Variants in EVI5 observed in about 807,000 individuals in gnomAD.
EVI5 encodes ecotropic viral integration site 5, also known as ecotropic viral integration site 5 protein homolog.
A neutral mutation model predicts 112.0 loss-of-function variants in EVI5; 73 were observed. That is an observed-to-expected ratio of 0.65 (90% CI 0.54 to 0.79). The LOEUF is 0.79. Among genes scored for constraint, EVI5 ranks in the 30% least tolerant of loss-of-function variants. The pLI is 0.00. For missense variants in EVI5, 900 were observed against 968.8 expected, an observed-to-expected ratio of 0.93 and a Z score of 0.94; for synonymous variants, 305 against 319.9, an observed-to-expected ratio of 0.95 and a Z score of 0.50.
At chr1:92,728,387 C>CTT (rs60133611) in intron 2 of EVI5, among the ~76,000 whole-genome samples, 131,642 of 148,290 alleles carry the variant, frequency 0.89, 58,492 homozygotes, top group South Asian at 0.96. Context: ...TCTTTTTTTT[C>CTT]TTTTTTTTTT....
chr1:92,789,516 A>G (rs4622073), upstream of EVI5, among the ~76,000 whole-genome samples: 83,786 of 151,896 alleles, frequency 0.55, 24,790 homozygotes, highest in East Asian at 0.93. Context: ...GTTAGCCAGG[A>G]CGGTCTCAAT....
chr1:92,684,183 A>G (rs899795315), intron 9 of EVI5, among the ~76,000 whole-genome samples: 2 of 152,224 alleles, frequency 1.3e-5, no homozygotes, highest in Admixed American at 1.3e-4. Context: ...AGGGAAGCCC[A>G]TCAGACTAAC....
chr1:92,589,513 C>A (rs1225777947), intron 18 of EVI5, among the ~76,000 whole-genome samples: 1 of 152,176 alleles, frequency 6.6e-6, no homozygotes, highest in African/African-American at 2.4e-5. Context: ...GAGTCTCGCT[C>A]ATTGCTAGCA....
At chr1:92,677,105 T>G in intron 10 of EVI5, 53 bp downstream of exon 10, 1 of 1,051,952 alleles carries the variant, frequency 9.5e-7, no homozygotes, top group Non-Finnish European at 1.5e-6. Context: ...ACATCTACTG[T>G]CCAATAATTG....
At chr1:92,654,810 C>T (rs553430452) in intron 13 of EVI5, among the ~76,000 whole-genome samples, 1 of 151,982 alleles carries the variant, frequency 6.6e-6, no homozygotes, top group South Asian at 2.1e-4. Context: ...ATGAAAAATT[C>T]ATTGAAGAAA....
At chr1:92,702,560 C>T (rs1221143700) in intron 4 of EVI5, among the ~76,000 whole-genome samples, 1 of 152,004 alleles carries the variant, frequency 6.6e-6, no homozygotes, top group Non-Finnish European at 1.5e-5. Flanking sequence ...AATCCCAGCA[C>T]TTTGGGAGGC....
chr1:92,608,041 C>T (rs1650849187), intron 16 of EVI5, among the ~76,000 whole-genome samples: 1 of 151,196 alleles, frequency 6.6e-6, no homozygotes, highest in Admixed American at 6.6e-5. Context: ...GTCCCAGGTA[C>T]TCGGGAGGCT....
intron 8 of EVI5, 35 bp downstream of exon 8, chr1:92,694,264 C>CAAAA: frequency 1.9e-6 from 2 of 1,053,772 alleles, no homozygotes; most frequent in Admixed American, 4.9e-5. Context: ...AACTCTGTCT[C>CAAAA]AAAAAAAAAA....
intron 19 of EVI5, among the ~76,000 whole-genome samples, chr1:92,535,151 G>C (rs1033668737): frequency 3.9e-5 from 6 of 151,906 alleles, no homozygotes; most frequent in African/African-American, 1.5e-4. Flanking sequence ...ATGCACCCAA[G>C]ACATATGAAA....
At chr1:92,573,869 C>T (rs890548126) in intron 18 of EVI5, among the ~76,000 whole-genome samples, 1 of 152,012 alleles carries the variant, frequency 6.6e-6, no homozygotes, top group Non-Finnish European at 1.5e-5. Context: ...ACTTCCATCA[C>T]TGAAAACTAA....
chr1:92,528,755 T>C (rs943816477), intron 19 of EVI5, among the ~76,000 whole-genome samples: 2 of 152,188 alleles, frequency 1.3e-5, no homozygotes, highest in Non-Finnish European at 2.9e-5. Context: ...TCGTTTGTCA[T>C]GTTAGAAGTC....
intron 9 of EVI5, among the ~76,000 whole-genome samples, chr1:92,687,858 T>A (rs565609823): frequency 6.6e-6 from 1 of 152,110 alleles, no homozygotes; most frequent in Non-Finnish European, 1.5e-5. Flanking sequence ...GCCAGTTAGA[T>A]GGTGATCATT....
chr1:92,515,527 A>G (rs1659722260), intron 19 of EVI5, among the ~76,000 whole-genome samples: 1 of 152,188 alleles, frequency 6.6e-6, no homozygotes, highest in Non-Finnish European at 1.5e-5. Flanking sequence ...CTCCTACAAT[A>G]AAGTGGAAGA....
chr1:92,675,140 C>T (rs1572230993), intron 10 of EVI5, among the ~76,000 whole-genome samples: 2 of 152,228 alleles, frequency 1.3e-5, no homozygotes, highest in South Asian at 2.1e-4. Flanking sequence ...CTCAGGAGTT[C>T]GAGACCAGCC....
At chr1:92,535,507 C>A (rs938228178) in intron 19 of EVI5, among the ~76,000 whole-genome samples, 1 of 152,096 alleles carries the variant, frequency 6.6e-6, no homozygotes, top group Admixed American at 6.5e-5. Flanking sequence ...TGGAACCAAC[C>A]CAAATGCCCA....
chr1:92,756,760 G>A, intron 1 of EVI5: 1 of 502,894 alleles, frequency 2.0e-6, no homozygotes, highest in East Asian at 5.5e-5. Flanking sequence ...TACTATGCAC[G>A]CCTCATCTTA....
At chr1:92,515,310 G>A (rs1659687876) in intron 19 of EVI5, among the ~76,000 whole-genome samples, 1 of 152,094 alleles carries the variant, frequency 6.6e-6, no homozygotes, top group Non-Finnish European at 1.5e-5. Flanking sequence ...TCCAAAACCA[G>A]TTTTATCAGA....
At chr1:92,649,692 T>C (rs1279613095) in intron 13 of EVI5, among the ~76,000 whole-genome samples, 1 of 152,112 alleles carries the variant, frequency 6.6e-6, no homozygotes, top group East Asian at 1.9e-4. Context: ...CATGTGCCTG[T>C]AGTCTCAGCT....
chr1:92,786,082 C>G (rs984985509), upstream of EVI5, among the ~76,000 whole-genome samples: 1 of 115,226 alleles, frequency 8.7e-6, no homozygotes, highest in Non-Finnish European at 1.9e-5. Context: ...CAGAACGATA[C>G]TCTGTCTCAA....
Sources: gnomAD v4.1 joint callset for allele counts (sites outside exome capture counted in the v4.1 genomes callset) on GRCh38, gnomAD v4.1.1 for gene constraint, MANE v1.5 for transcripts, NCBI Gene and HGNC (gene_info 2026-07-23, HGNC 2026-07-21) for gene names.